ZFAT: variants seen among roughly 807,000 people sequenced by gnomAD.
ZFAT encodes zinc finger and AT-hook domain containing.
ZFAT carries 64 observed loss-of-function variants against 117.7 expected under a neutral mutation model. That is an observed-to-expected ratio of 0.54 (90% CI 0.44 to 0.67). The LOEUF is 0.67. ZFAT is among the 30% of genes least tolerant of loss of function. ZFAT has a pLI of 0.00. For missense variants in ZFAT, 1,433 were observed against 1,584.5 expected, an observed-to-expected ratio of 0.90 and a Z score of 1.62; for synonymous variants, 679 against 615.0, an observed-to-expected ratio of 1.10 and a Z score of -1.54.
intron 13 of ZFAT, among the ~76,000 whole-genome samples, chr8:134,519,149 A>G (rs1173309469): frequency 6.6e-6 from 1 of 152,230 alleles, no homozygotes; most frequent in Non-Finnish European, 1.5e-5. Flanking sequence ...GATTAGCTCC[A>G]GAAAAAATCT....
Position 134,509,683 on chromosome 8 carries a change from T to C in ZFAT, c.3428A>G (p.His1143Arg), listed in dbSNP as rs1303236395. 2 of 1,611,940 alleles carry C rather than the reference T, an allele frequency of 1.2e-6. No individual in the cohort carries two copies. Among genetic ancestry groups the C allele is most frequent in the Non-Finnish European group, 1.7e-6 (2 of 1,179,380 alleles). ...QQIIELGAET[H>R]DATALASVVA... ...CACCGAGGCAAGGGCAGTGGCGTCA[T>C]GGGTCTCGGCGCCCAGCTCAATGAT... is the stretch of plus-strand genomic sequence containing the variant. Residue 1143 changes from histidine (H) to arginine (R), a missense_variant, in exon 15 of 16, where the codon CAT becomes CGT. Coordinates refer to ENST00000377838, the MANE Select transcript of ZFAT (RefSeq NM_020863.4).
At position 134,689,318 on chromosome 8, in the gene ZFAT, C is replaced by T. The variant is rs1348228612; in HGVS notation, c.19+23527G>A. ...GCAAAGCACTGCTACTCTTGGCGCT[C>T]TGCCTACGGGGTAGCCCTGCTCCAC... On this transcript the variant is annotated intron_variant, in intron 1 of 15. Coordinates refer to ENST00000377838, the MANE Select transcript of ZFAT (RefSeq NM_020863.4). 2.0e-5 allele frequency among the ~76,000 whole-genome samples: 3 copies of T among 152,246 alleles called. No homozygotes were observed. The East Asian group carries it at 5.8e-4, about 29-fold the overall frequency.
Position 134,600,531 on chromosome 8 carries a change from T to C in ZFAT, c.2380A>G (p.Ser794Gly). Residue 794 changes from serine to glycine, a missense_variant, in exon 7 of 16, where the codon AGT becomes GGT. Transcript: ENST00000377838. ...GTGGGACACTTCAGCAAGATGTTACTGTGTTTCTGAATTACGTGGCGTTTA... is the reference window on the plus strand; with the variant it reads ...GTGGGACACTTCAGCAAGATGTTACCGTGTTTCTGAATTACGTGGCGTTTA... Reference protein sequence around the residue: ...CLKRHVIQKHSNILLKCPTDG... With the variant: ...CLKRHVIQKHGNILLKCPTDG... 6.2e-7 allele frequency: 1 copy of C among 1,614,226 alleles called. No individual in the cohort carries two copies. Among genetic ancestry groups the C allele is most frequent in the Non-Finnish European group, 8.5e-7 (1 of 1,180,038 alleles).
At chr8:134,759,125 G>A in the ZFAT span, among the ~76,000 whole-genome samples, 19 of 152,170 alleles carry the variant, frequency 1.2e-4, no homozygotes, top group Non-Finnish European at 2.6e-4. Flanking sequence ...TCAGACACGA[G>A]GCAGGACTCA....
At chr8:134,754,245 G>C in the ZFAT span, among the ~76,000 whole-genome samples, 1 of 152,204 alleles carries the variant, frequency 6.6e-6, no homozygotes, top group Non-Finnish European at 1.5e-5. Context: ...ACCATCAGAT[G>C]ATGCCCGAGC....
In ZFAT at chr8:134,637,452, A is replaced by G. The variant is rs1370379669; in HGVS notation, c.448+9T>C. On this transcript the variant is annotated intron_variant, in intron 3 of 15. Coordinates refer to ENST00000377838, the MANE Select transcript of ZFAT (RefSeq NM_020863.4). ...AAATTGACATGTTCAGCCCTTTGGC[A>G]GCATTTACCTGCTTCTCCTTCCTCC... is the stretch of plus-strand genomic sequence containing the variant. The G allele has an allele frequency of 1.9e-6, 3 of 1,602,302 alleles. No individual in the cohort carries two copies. In the South Asian group the frequency reaches 3.3e-5, roughly 18 times the overall value.
intron 1 of ZFAT, among the ~76,000 whole-genome samples, chr8:134,670,116 T>C (rs1364304946): frequency 1.3e-5 from 2 of 152,010 alleles, no homozygotes; most frequent in Non-Finnish European, 2.9e-5. Context: ...TCCTTAGAGA[T>C]CTACAAAGAG....
Position 134,602,343 on chromosome 8 carries a change from A to T in ZFAT, c.1376T>A (p.Val459Asp). Reference protein sequence around the residue: ...LHVRKHPFVYVCAVCRKKFVS... With the variant: ...LHVRKHPFVYDCAVCRKKFVS... ...GAACTTCTTGCGGCAGACGGCACAG[A>T]CGTACACGAAGGGGTGCTTCCTGAC... The change falls in exon 6 of 16, where the codon GTC becomes GAC. Residue 459 changes from valine (V) to aspartate (D), a missense_variant. Around this residue, in one of 5 missense-constraint regions of ZFAT, gnomAD observed 73 missense variants for 122.0 expected, o/e 0.60. Transcript: ENST00000377838. 1 of 1,613,860 alleles carries T rather than the reference A, an allele frequency of 6.2e-7. No individual in the cohort carries two copies. The highest frequency in any genetic ancestry group is 1.1e-5 in the South Asian group (1 of 91,084).
intron 1 of ZFAT, among the ~76,000 whole-genome samples, chr8:134,677,404 A>T (rs1340067764): frequency 1.3e-5 from 2 of 152,206 alleles, no homozygotes; most frequent in African/African-American, 2.4e-5. Flanking sequence ...AAGAAGTTGA[A>T]TCCCTGAATA....
chr8:134,795,685 C>A, the ZFAT span: 1 of 152,114 alleles, frequency 6.6e-6, no homozygotes, highest in Non-Finnish European at 1.5e-5. Context: ...CATCTGGGCT[C>A]CAGGTGTGGT....
chr8:134,576,214 G>A (rs1825286514), intron 10 of ZFAT, among the ~76,000 whole-genome samples: 1 of 152,190 alleles, frequency 6.6e-6, no homozygotes, highest in South Asian at 2.1e-4. Context: ...TAATTGCTCA[G>A]TAAGCTGCGT....
intron 7 of ZFAT, among the ~76,000 whole-genome samples, chr8:134,593,869 G>T (rs571344079): frequency 6.6e-6 from 1 of 152,224 alleles, no homozygotes; most frequent in Non-Finnish European, 1.5e-5. Context: ...ATGAGGAAGA[G>T]GTGTGAGACT....
chr8:134,713,115 G>GCGGCCCGGCAGGGCCGAGCT (rs1300771472), upstream of ZFAT: 9 of 397,816 alleles, frequency 2.3e-5, no homozygotes, highest in Admixed American at 1.4e-4. Flanking sequence ...GGCGCCGAGC[G>GCGGCCCGGCAGGGCCGAGCT]CGGCCCGGCA....
At chr8:134,790,365 A>G in the ZFAT span, among the ~76,000 whole-genome samples, 1 of 152,196 alleles carries the variant, frequency 6.6e-6, no homozygotes, top group Non-Finnish European at 1.5e-5. Flanking sequence ...AAATGGGCCA[A>G]GAGCAATTTC....
the ZFAT span, among the ~76,000 whole-genome samples, chr8:134,818,147 AT>A: frequency 1.3e-5 from 2 of 152,246 alleles, no homozygotes; most frequent in Non-Finnish European, 2.9e-5. Context: ...TAAATTAGAT[AT>A]CAAAATTAAA....
chr8:134,494,393 C>A (rs989570223), intron 15 of ZFAT, among the ~76,000 whole-genome samples: 1 of 152,140 alleles, frequency 6.6e-6, no homozygotes, highest in Non-Finnish European at 1.5e-5. Context: ...GATAAAGCTG[C>A]GGGGACAGGA....
chr8:134,753,874 A>G, the ZFAT span, among the ~76,000 whole-genome samples: 2 of 152,272 alleles, frequency 1.3e-5, no homozygotes, highest in Admixed American at 1.3e-4. Context: ...CTAAGATATT[A>G]TGCTTAAAAA....
rs185696233 is a variant in ZFAT at position 134,612,410 on chromosome 8, C to T, written c.449-1755G>A. Among the ~76,000 whole-genome samples, 83 of 152,272 alleles carry T rather than the reference C, an allele frequency of 5.5e-4. 1 individual carries two copies. The highest frequency in any genetic ancestry group is 3.4e-3 in the Middle Eastern group (1 of 294). ...GATTCAACTCTGCCTAAAGCCAGTA[C>T]CCCAAGTAATTGTACCAAGGAATGC... is the stretch of plus-strand genomic sequence containing the variant. On this transcript the variant is annotated intron_variant, in intron 3 of 15. Coordinates refer to ENST00000377838, the MANE Select transcript of ZFAT (RefSeq NM_020863.4).
the ZFAT span, among the ~76,000 whole-genome samples, chr8:134,804,712 C>T: frequency 0.025 from 3,871 of 152,278 alleles, 74 homozygotes; most frequent in Non-Finnish European, 0.04. Flanking sequence ...ACGGCATATC[C>T]TGTTATTAGG....
Sources: allele counts gnomAD v4.1 joint callset (sites outside exome capture counted in the v4.1 genomes callset), GRCh38; gene constraint gnomAD v4.1.1; regional missense constraint gnomAD v4.1.1; transcripts MANE v1.5; gene names NCBI Gene and HGNC (gene_info 2026-07-23, HGNC 2026-07-21).